Variants in RARB observed in about 807,000 individuals in gnomAD.
RARB encodes HBV-activated protein.
RARB carries 17 observed loss-of-function variants against 51.9 expected under a neutral mutation model. The observed-to-expected ratio is 0.33, with a 90% CI of 0.22 to 0.49. The LOEUF (loss-of-function observed/expected upper bound fraction) is 0.49, where lower values mean the gene tolerates loss of function less well. RARB is among the 20% of genes least tolerant of loss of function. The pLI is 0.99. For missense variants in RARB, 369 were observed against 550.8 expected, an observed-to-expected ratio of 0.67 and a Z score of 3.30; for synonymous variants, 215 against 195.4, an observed-to-expected ratio of 1.10 and a Z score of -0.84.
At chr3:25,253,046 G>A (rs115806727) in intron 5 of RARB, among the ~76,000 whole-genome samples, 1,739 of 152,230 alleles carry the variant, frequency 0.011, 21 homozygotes, top group Middle Eastern at 0.044. Flanking sequence ...GTCTTCATAG[G>A]CACTAGGATT....
In RARB at chr3:24,901,703, A is replaced by G. The variant is rs1204823760; in HGVS notation, c.-380+42951A>G. Among the ~76,000 whole-genome samples the G allele has an allele frequency of 4.6e-5, 7 of 152,284 alleles. No homozygotes were observed. In the East Asian group the frequency reaches 1.4e-3, roughly 29 times the overall value. Reference sequence around the variant, plus strand: ...TCCATTAGCTCTCCTTTCTCCATGTAAGTTATCCTTCTTGTGATGCCCAGC... The same window carrying G: ...TCCATTAGCTCTCCTTTCTCCATGTGAGTTATCCTTCTTGTGATGCCCAGC... On this transcript the variant is annotated intron_variant, in intron 2 of 11. Coordinates refer to the RARB transcript ENST00000383772.
chr3:25,032,835 G>A (rs1179974142), intron 2 of RARB, among the ~76,000 whole-genome samples: 1 of 152,154 alleles, frequency 6.6e-6, no homozygotes, highest in Non-Finnish European at 1.5e-5. Flanking sequence ...AGTTCACTAA[G>A]GCATAAGGAC....
chr3:24,963,102 C>T (rs1008885418), intron 2 of RARB, among the ~76,000 whole-genome samples: 8 of 152,116 alleles, frequency 5.3e-5, no homozygotes, highest in Non-Finnish European at 2.9e-5. Flanking sequence ...CTTCTAGATG[C>T]CTCAGGATTT....
chr3:24,985,214 A>G (rs768017886), intron 2 of RARB, among the ~76,000 whole-genome samples: 6 of 152,176 alleles, frequency 3.9e-5, no homozygotes, highest in Admixed American at 2.0e-4. Flanking sequence ...CTTGAATCAC[A>G]TAAGAATTTA....
At chr3:25,067,525 T>G (rs141489916) in intron 3 of RARB, among the ~76,000 whole-genome samples, 2 of 152,326 alleles carry the variant, frequency 1.3e-5, no homozygotes, top group African/African-American at 4.8e-5. Context: ...TTTTAATGTT[T>G]CATTAATTAT....
At chr3:25,467,861 C>T (rs1303023965) in intron 2 of RARB, among the ~76,000 whole-genome samples, 1 of 152,232 alleles carries the variant, frequency 6.6e-6, no homozygotes, top group East Asian at 1.9e-4. Flanking sequence ...AGAGATACAA[C>T]AGTGAACATG....
At chr3:25,259,950 G>A (rs1702956469) in intron 5 of RARB, 1 of 985,160 alleles carries the variant, frequency 1.0e-6, no homozygotes, top group Admixed American at 6.2e-5. Flanking sequence ...GGAGGGGAGG[G>A]GGGCAGTCAG....
intron 3 of RARB, among the ~76,000 whole-genome samples, chr3:25,566,580 C>T (rs1240090338): frequency 6.6e-6 from 1 of 152,164 alleles, no homozygotes; most frequent in Non-Finnish European, 1.5e-5. Context: ...CTGCAGCTCA[C>T]CCAGGGCCCC....
At chr3:24,947,033 A>T (rs559389858) in intron 2 of RARB, among the ~76,000 whole-genome samples, 53 of 152,200 alleles carry the variant, frequency 3.5e-4, no homozygotes, top group African/African-American at 1.3e-3. Flanking sequence ...CCTTTGATAA[A>T]ACTGAAGGTA....
rs1334024778 is a variant in RARB at position 24,856,454 on chromosome 3, C to G, written c.-458-2220C>G. On this transcript the variant is annotated intron_variant, in intron 1 of 11. Coordinates refer to the RARB transcript ENST00000383772. ...ATGGTTATGTTGAAATTAAAGTTAT[C>G]CAAGGCAAAAGATTCCTTATACTGT... Among the ~76,000 whole-genome samples the G allele has an allele frequency of 1.3e-5, 2 of 152,140 alleles. 1 individual carries two copies. Among genetic ancestry groups the G allele is most frequent in the African/African-American group, 4.8e-5 (2 of 41,432 alleles).
rs570504067 is a variant in RARB, at chr3:25,463,221, A to G, written c.306+1880A>G. The stretch of plus-strand genomic sequence containing the variant: ...AGCTTCAAAGTAATAAGTGATATAG[A>G]TATGGAGGGGCCGGGGGAATGGGTG... On this transcript the variant is annotated intron_variant, in intron 2 of 7. Coordinates refer to ENST00000330688, the MANE Select transcript of RARB (RefSeq NM_000965.5). Among the ~76,000 whole-genome samples, 4 of 152,132 alleles carry G rather than the reference A, an allele frequency of 2.6e-5. No homozygotes were observed. In the South Asian group the frequency reaches 8.3e-4, roughly 32 times the overall value.
chr3:25,001,605 G>A (rs1303096993), intron 2 of RARB, among the ~76,000 whole-genome samples: 1 of 152,136 alleles, frequency 6.6e-6, no homozygotes, highest in Non-Finnish European at 1.5e-5. Flanking sequence ...TAGCCACGTG[G>A]CACCACTTGC....
chr3:25,279,578 T>C (rs1320069667), intron 5 of RARB, among the ~76,000 whole-genome samples: 2 of 149,496 alleles, frequency 1.3e-5, no homozygotes, highest in South Asian at 2.1e-4. Context: ...TACTGATCTA[T>C]TAAAAAAAAA....
chr3:25,159,705 G>T (rs145760704), intron 4 of RARB, among the ~76,000 whole-genome samples: 148 of 152,190 alleles, frequency 9.7e-4, no homozygotes, highest in Middle Eastern at 3.4e-3. Flanking sequence ...CAACAAAAAG[G>T]GGGGCAGGTC....
chr3:25,271,104 T>C (rs1010553057), intron 5 of RARB, among the ~76,000 whole-genome samples: 1 of 152,222 alleles, frequency 6.6e-6, no homozygotes, highest in African/African-American at 2.4e-5. Context: ...TCTTGTAACC[T>C]CTAATTTTAG....
intron 3 of RARB, among the ~76,000 whole-genome samples, chr3:25,117,995 T>C (rs904942047): frequency 5.3e-5 from 8 of 152,228 alleles, no homozygotes; most frequent in African/African-American, 1.9e-4. Flanking sequence ...TGTAAAGAAG[T>C]GTCACATATT....
chr3:25,033,080 G>C (rs1180900806), intron 2 of RARB, among the ~76,000 whole-genome samples: 6 of 152,006 alleles, frequency 3.9e-5, no homozygotes, highest in African/African-American at 1.5e-4. Context: ...ATTCATCTAG[G>C]CTTTTGATCT....
intron 2 of RARB, among the ~76,000 whole-genome samples, chr3:24,967,183 G>T (rs1334864122): frequency 3.3e-5 from 5 of 152,030 alleles, no homozygotes; most frequent in African/African-American, 1.2e-4. Context: ...GCTGCCTTGT[G>T]GCTGCCACTT....
chr3:25,336,995 G>A (rs6550961), intron 5 of RARB, among the ~76,000 whole-genome samples: 34,158 of 151,964 alleles, frequency 0.22, 4,319 homozygotes, highest in African/African-American at 0.35. Flanking sequence ...TTTATAAATC[G>A]CCATGGATGC....
Sources: gnomAD v4.1 joint callset for allele counts (sites outside exome capture counted in the v4.1 genomes callset) on GRCh38, gnomAD v4.1.1 for gene constraint, MANE v1.5 for transcripts, NCBI Gene and HGNC (gene_info 2026-07-23, HGNC 2026-07-21) for gene names.